BCAR3: variants seen among roughly 807,000 people sequenced by gnomAD.
BCAR3 encodes the protein BCAR3 adaptor protein, NSP family member.
A neutral mutation model predicts 80.1 loss-of-function variants in BCAR3; 37 were observed. That is an observed-to-expected ratio of 0.46 (90% CI 0.36 to 0.61). BCAR3 has a LOEUF of 0.61. Ranked by LOEUF, BCAR3 falls within the 20% of genes least tolerant of loss-of-function variation. The pLI is 0.00. For missense variants in BCAR3, 978 were observed against 1,068.2 expected (o/e 0.92, Z 1.18); for synonymous variants, 389 against 418.9 (o/e 0.93, Z 0.87).
intron 2 of BCAR3, among the ~76,000 whole-genome samples, chr1:93,819,170 C>A (rs1018844303): frequency 6.6e-6 from 1 of 151,952 alleles, no homozygotes; most frequent in African/African-American, 2.4e-5. Context: ...CGGTTCAAGC[C>A]ATTCTCCCGC....
chr1:93,620,395 G>T (rs1055454743), intron 3 of BCAR3, among the ~76,000 whole-genome samples: 2 of 152,162 alleles, frequency 1.3e-5, no homozygotes, highest in Admixed American at 1.3e-4. Context: ...TTGTTTAACA[G>T]GCAGCAGGTG....
chr1:93,571,927 T>G (rs1338792703), intron 8 of BCAR3, 86 bp from the exon 9 acceptor site: 3 of 1,436,964 alleles, frequency 2.1e-6, no homozygotes, highest in African/African-American at 1.4e-5. Flanking sequence ...CAGGGCTGTT[T>G]TTGTGCCATT....
rs555483361 is a variant in BCAR3, at chr1:93,827,568, A to G, written c.-63+17999T>C. ...AGGCATCCTCTCTTATTCAGCCCCT[A>G]ATTTTACAAGTGAGGACACTGAGTC... On this transcript the variant is annotated intron_variant, in intron 2 of 13. Transcript: ENST00000370244. Among the ~76,000 whole-genome samples, 34 of 152,154 alleles carry G rather than the reference A, an allele frequency of 2.2e-4. No homozygotes were observed. The South Asian group carries it at 6.9e-3, about 31-fold the overall frequency.
At chr1:93,832,497 C>T (rs142180812) in intron 2 of BCAR3, among the ~76,000 whole-genome samples, 370 of 152,322 alleles carry the variant, frequency 2.4e-3, no homozygotes, top group African/African-American at 8.6e-3. Context: ...CTGACTGACT[C>T]CTTTCCAGAT....
intron 2 of BCAR3, among the ~76,000 whole-genome samples, chr1:93,766,537 T>C (rs921702591): frequency 6.6e-6 from 1 of 152,254 alleles, no homozygotes; most frequent in African/African-American, 2.4e-5. Context: ...TGCTGGGTTC[T>C]TGTTGCCTGG....
chr1:93,713,202 T>C (rs1306674421), intron 2 of BCAR3, among the ~76,000 whole-genome samples: 3 of 152,146 alleles, frequency 2.0e-5, no homozygotes, highest in African/African-American at 7.2e-5. Context: ...GGCTTCTGTA[T>C]TGGACGGCAC....
At chr1:93,701,440 A>G (rs928776413) in intron 3 of BCAR3, among the ~76,000 whole-genome samples, 1 of 152,232 alleles carries the variant, frequency 6.6e-6, no homozygotes, top group Non-Finnish European at 1.5e-5. Context: ...CCTCATGTGC[A>G]TCGGTCTGTT....
chr1:93,736,377 C>T (rs187100393), intron 2 of BCAR3, among the ~76,000 whole-genome samples: 308 of 152,226 alleles, frequency 2.0e-3, no homozygotes, highest in African/African-American at 7.2e-3. Flanking sequence ...TTAGTAGAAA[C>T]GGGGTTTCAT....
At position 93,771,855 on chromosome 1, in the gene BCAR3, C is replaced by G. The variant is rs536482099; in HGVS notation, c.-62-65713G>C. ...TACACCCTTCCTCTACCAAATGTAC[C>G]CAAATATAGCACATCATAGCATTTT... is the stretch of plus-strand genomic sequence containing the variant. On this transcript the variant is annotated intron_variant, in intron 2 of 13. Coordinates refer to the BCAR3 transcript ENST00000370244. 6.9e-4 allele frequency among the ~76,000 whole-genome samples: 105 copies of G among 152,264 alleles called. 1 individual carries two copies. The highest frequency in any genetic ancestry group is 2.2e-3 in the African/African-American group (93 of 41,540).
At chr1:93,578,959 C>CTGA (rs1673581931) in intron 7 of BCAR3, among the ~76,000 whole-genome samples, 1 of 152,218 alleles carries the variant, frequency 6.6e-6, no homozygotes, top group South Asian at 2.1e-4. Context: ...GGCTGTTCAG[C>CTGA]TGATGTGGCA....
intron 3 of BCAR3, among the ~76,000 whole-genome samples, chr1:93,697,427 C>A (rs1649455252): frequency 6.6e-6 from 1 of 152,116 alleles, no homozygotes; most frequent in South Asian, 2.1e-4. Context: ...GCCTACATGC[C>A]CTGCTGGGAG....
intron 3 of BCAR3, among the ~76,000 whole-genome samples, chr1:93,635,979 C>G (rs1182509731): frequency 6.6e-6 from 1 of 152,202 alleles, no homozygotes; most frequent in Non-Finnish European, 1.5e-5. Context: ...CACCCCTTCT[C>G]CACTGAGGTC....
upstream of BCAR3, among the ~76,000 whole-genome samples, chr1:93,685,204 TG>T (rs1369758480): frequency 6.6e-6 from 1 of 152,246 alleles, no homozygotes; most frequent in Non-Finnish European, 1.5e-5. Context: ...CATTGCAGTA[TG>T]GTTCACAAGT....
chr1:93,762,432 C>T (rs1350189434), intron 2 of BCAR3, among the ~76,000 whole-genome samples: 1 of 152,152 alleles, frequency 6.6e-6, no homozygotes, highest in East Asian at 1.9e-4. Context: ...GAACTCAGAA[C>T]CATTCTGCTG....
intron 2 of BCAR3, among the ~76,000 whole-genome samples, chr1:93,731,952 C>T (rs1183635294): frequency 3.9e-5 from 6 of 152,136 alleles, no homozygotes; most frequent in Admixed American, 2.0e-4. Context: ...GCAGAGGCCC[C>T]GTGGGTGAGG....
chr1:93,845,478 A>C lies in BCAR3; in HGVS notation c.-63+89T>G, dbSNP rs1272935627. Reference sequence around the variant, plus strand: ...ATAACAATTTTATATATATATATATATATATATATATATATATATATATAA... The same window carrying C: ...ATAACAATTTTATATATATATATATCTATATATATATATATATATATATAA... On this transcript the variant is annotated intron_variant, in intron 2 of 13. Coordinates refer to the BCAR3 transcript ENST00000370244. 31 of 3,148 alleles carry C rather than the reference A, an allele frequency of 9.8e-3. 2 individuals carry two copies. The highest frequency in any genetic ancestry group is 0.016 in the Non-Finnish European group (28 of 1,800). The allele number at this position is 3,148 out of a possible 1,614,324, so 0.2% of individuals were successfully genotyped here.
intron 2 of BCAR3, among the ~76,000 whole-genome samples, chr1:93,832,144 T>C (rs1654588906): frequency 6.6e-6 from 1 of 152,182 alleles, no homozygotes; most frequent in Admixed American, 6.5e-5. Context: ...CAGGACTTGA[T>C]TAACTTCGCC....
chr1:93,697,157 T>C (rs1389334133), intron 3 of BCAR3, among the ~76,000 whole-genome samples: 1 of 152,222 alleles, frequency 6.6e-6, no homozygotes, highest in Non-Finnish European at 1.5e-5. Context: ...GAAACTTGGC[T>C]TCAGACCATT....
At chr1:93,566,082 C>T (rs559990470) in intron 11 of BCAR3, among the ~76,000 whole-genome samples, 50 of 152,320 alleles carry the variant, frequency 3.3e-4, no homozygotes, top group African/African-American at 1.0e-3. Context: ...AAACCCTTCA[C>T]TGGCTCTTCT....
Sources: gnomAD v4.1 joint callset for allele counts (sites outside exome capture counted in the v4.1 genomes callset) on GRCh38, gnomAD v4.1.1 for gene constraint, MANE v1.5 for transcripts, NCBI Gene and HGNC (gene_info 2026-07-23, HGNC 2026-07-21) for gene names.